The following LSS variants were observed in gnomAD, a reference collection of about 807,000 sequenced individuals.
The protein encoded by LSS is lanosterol synthase.
A neutral mutation model predicts 110.3 loss-of-function variants in LSS; 90 were observed. The observed-to-expected ratio is 0.82, with a 90% CI of 0.69 to 0.97. The LOEUF is 0.97. Among genes scored for constraint, LSS ranks in the 50% least tolerant of loss-of-function variants. LSS has a pLI of 0.00. For missense variants in LSS, 927 were observed against 990.0 expected (o/e 0.94, Z 0.85); for synonymous variants, 433 against 400.0 (o/e 1.08, Z -0.98).
At chr21:46,219,675 T>A in intron 5 of LSS, 103 bp from the exon 6 acceptor site, 1 of 640,278 alleles carries the variant, frequency 1.6e-6, no homozygotes. Context: ...CGTGTGCCCC[T>A]CTCCATGAGG....
rs1179719931 is a variant in LSS, at chr21:46,193,931, C to T, written c.1988+560G>A. On this transcript the variant is annotated intron_variant, in intron 20 of 21. Transcript: ENST00000397728. Reference sequence around the variant, plus strand: ...TGGCACAGATGGGATGCTGTGGGTGCATCTGTATGTGTGTGGACACAGGTG... The same window carrying T: ...TGGCACAGATGGGATGCTGTGGGTGTATCTGTATGTGTGTGGACACAGGTG... 8.6e-3 allele frequency among the ~76,000 whole-genome samples: 1,281 copies of T among 148,832 alleles called. 23 individuals carry two copies. Among genetic ancestry groups the T allele is most frequent in the African/African-American group, 0.031 (1,234 of 40,138 alleles).
At chr21:46,208,361 T>A (rs1232897871) in intron 13 of LSS, 60 bp from the exon 14 acceptor site, 1 of 1,390,342 alleles carries the variant, frequency 7.2e-7, no homozygotes, top group Non-Finnish European at 1.0e-6. Flanking sequence ...GACGTCCCCA[T>A]CTGGGACATC....
intron 17 of LSS, among the ~76,000 whole-genome samples, chr21:46,203,654 T>C (rs2080008751): frequency 1.3e-5 from 2 of 152,340 alleles, no homozygotes; most frequent in East Asian, 3.9e-4. Flanking sequence ...GAGCAGCACA[T>C]GGCCGAGGGC....
chr21:46,215,143 C>T (rs1016140145), intron 9 of LSS, 37 bp downstream of exon 9: 4 of 1,566,272 alleles, frequency 2.6e-6, no homozygotes, highest in South Asian at 1.1e-5. Flanking sequence ...CCTCAACCCC[C>T]AGGGGCTGCA....
chr21:46,202,458 T>C (rs780182731), intron 17 of LSS, among the ~76,000 whole-genome samples: 10 of 151,798 alleles, frequency 6.6e-5, no homozygotes, highest in Non-Finnish European at 1.5e-4. Flanking sequence ...ATTTAACCAT[T>C]TAAAAGTTAA....
intron 18 of LSS, 86 bp from the exon 19 acceptor site, chr21:46,195,842 G>A (rs2079902654): frequency 1.1e-5 from 12 of 1,120,904 alleles, no homozygotes; most frequent in Admixed American, 7.3e-5. Flanking sequence ...ACAATCACAC[G>A]TGCCCCAGCC....
chr21:46,227,891 G>T (rs1290001671), intron 2 of LSS, among the ~76,000 whole-genome samples: 1 of 152,174 alleles, frequency 6.6e-6, no homozygotes, highest in African/African-American at 2.4e-5. Context: ...GCACATTTTC[G>T]TTGCTTTATT....
rs1210966923 is a variant in LSS at position 46,208,121 on chromosome 21, G to A, written c.1317+130C>T. The A allele has an allele frequency of 7.6e-6, 6 of 789,512 alleles. No individual in the cohort carries two copies. The African/African-American group carries it at 8.6e-5, about 11-fold the overall frequency. The allele number at this position is 789,512 out of a possible 1,614,324, so 48.9% of individuals were successfully genotyped here. A position where few individuals can be genotyped will look rare whatever the true frequency, so the allele number is the denominator to read the frequency against. ...GCCCCTAGGCCAGGCATCCACCACAGCAGGACACCCAAAAACGCCAAGGGA... is the reference window on the plus strand; with the variant it reads ...GCCCCTAGGCCAGGCATCCACCACAACAGGACACCCAAAAACGCCAAGGGA... On this transcript the variant is annotated intron_variant, in intron 14 of 21. Transcript: ENST00000397728.
rs566623955 is a variant in LSS, at chr21:46,201,899, G to A, written c.1670+3937C>T. 2.1e-3 allele frequency among the ~76,000 whole-genome samples: 312 copies of A among 150,002 alleles called. 1 individual carries two copies. Among genetic ancestry groups the A allele is most frequent in the African/African-American group, 7.1e-3 (289 of 40,948 alleles). On this transcript the variant is annotated intron_variant, in intron 17 of 21. Transcript: ENST00000397728. ...TGCAAGCTCCACCTCCCGGGTTCAC[G>A]CCATTCTCCTGCCTCAGCCTCCCGA...
At chr21:46,225,611 C>T (rs1601453480) in intron 3 of LSS, among the ~76,000 whole-genome samples, 1 of 152,206 alleles carries the variant, frequency 6.6e-6, no homozygotes, top group Non-Finnish European at 1.5e-5. Context: ...TTTCATGTTC[C>T]ACCCTGTACA....
Position 46,205,763 on chromosome 21 carries a change from C to T in LSS, c.1670+73G>A, listed in dbSNP as rs562286466. On this transcript the variant is annotated intron_variant, in intron 17 of 21. Transcript: ENST00000397728. ...CTGAGATGGGCCACCAGGGCCGTGT[C>T]ACAGAATGATGCGTCTGGGTCTTGG... 23 of 1,214,254 alleles carry T rather than the reference C, an allele frequency of 1.9e-5. No individual in the cohort carries two copies. In the Admixed American group the frequency reaches 3.6e-4, roughly 19 times the overall value. The allele number at this position is 1,214,254 out of a possible 1,614,324, so 75.2% of individuals were successfully genotyped here.
intron 5 of LSS, among the ~76,000 whole-genome samples, chr21:46,220,095 C>G (rs2080255800): frequency 6.6e-6 from 1 of 152,224 alleles, no homozygotes; most frequent in African/African-American, 2.4e-5. Flanking sequence ...TGGCCCCATG[C>G]CAGAGCCACT....
chr21:46,199,730 T>C (rs1005295098), intron 17 of LSS, among the ~76,000 whole-genome samples: 2 of 152,224 alleles, frequency 1.3e-5, no homozygotes, highest in Middle Eastern at 3.4e-3. Flanking sequence ...TCTTACTAAG[T>C]GAAATAGGTC....
chr21:46,209,508 T>C lies in LSS; in HGVS notation c.1266+46A>G, dbSNP rs766082309. On this transcript the variant is annotated intron_variant, in intron 13 of 21. Transcript: ENST00000397728. The surrounding 1 kb of genome is among the most constrained non-coding windows in gnomAD (Gnocchi z 4.4). ...TTCTGCCTGCAGGAGCTCCCAGCCC[T>C]GATCCCCCTCTTCAGCCCCCTCAGA... The C allele has an allele frequency of 1.9e-6, 3 of 1,544,864 alleles. No individual in the cohort carries two copies. The highest frequency in any genetic ancestry group is 2.6e-6 in the Non-Finnish European group (3 of 1,138,022).
chr21:46,194,728 C>T, intron 19 of LSS, 67 bp from the exon 20 acceptor site: 1 of 1,516,446 alleles, frequency 6.6e-7, no homozygotes, highest in East Asian at 2.3e-5. Context: ...GCTTCTCACC[C>T]CAGCAGGCTG....
chr21:46,207,569 G>A lies in LSS; in HGVS notation c.1326C>T (p.Phe442=). 2 of 1,606,680 alleles carry A rather than the reference G, an allele frequency of 1.2e-6. No homozygotes were observed. The highest frequency in any genetic ancestry group is 1.7e-6 in the Non-Finnish European group (2 of 1,177,438). Residue 442 remains phenylalanine, a synonymous_variant, in exon 15 of 22, where the codon TTC becomes TTT. Transcript: ENST00000397728. ...KYYRQMRKGG[F]SFSTLDCGWI... ...AGCCGCAGTCCAGCGTACTGAAGGA[G>A]AAGCCACCCTGCAGAGCACAAGCCA...
In LSS at chr21:46,228,527, G is replaced by T; in HGVS notation, c.87C>A (p.Cys29Ter). ...AGGTCCACGTCTGCCGGCCCCTCTC[G>T]CAGTTGAGTCGCCAGCGGCCGAGGT... is the stretch of plus-strand genomic sequence containing the variant. Reference protein sequence around the residue: ...ATDLGRWRLNCERGRQTWTYL... With the variant: ...ATDLGRWRLN Residue 29 changes from cysteine to a stop codon, truncating the protein, a stop_gained, in exon 2 of 22, where the codon TGC becomes TGA. Coordinates refer to ENST00000397728, the MANE Select transcript of LSS (RefSeq NM_002340.6). LOFTEE classifies it high-confidence loss of function. The T allele has an allele frequency of 6.2e-7, 1 of 1,600,394 alleles. No individual in the cohort carries two copies. Among genetic ancestry groups the T allele is most frequent in the Non-Finnish European group, 8.5e-7 (1 of 1,178,940 alleles).
intron 17 of LSS, among the ~76,000 whole-genome samples, chr21:46,202,406 A>T (rs1253344465): frequency 6.7e-6 from 1 of 149,818 alleles, no homozygotes; most frequent in Non-Finnish European, 1.5e-5. Context: ...AAAAAAAAAA[A>T]ATAAATAAAA....
At chr21:46,194,916 G>A (rs1031709670) in intron 19 of LSS, among the ~76,000 whole-genome samples, 1 of 152,242 alleles carries the variant, frequency 6.6e-6, no homozygotes, top group Admixed American at 6.5e-5. Flanking sequence ...TCACGGACGC[G>A]TCAGGCTGAG....
Sources: gnomAD v4.1 joint callset for allele counts (sites outside exome capture counted in the v4.1 genomes callset) on GRCh38, gnomAD v4.1.1 for gene constraint, Gnocchi (gnomAD v3.1) non-coding constraint, MANE v1.5 for transcripts, NCBI Gene and HGNC (gene_info 2026-07-23, HGNC 2026-07-21) for gene names.